TCP11: variants seen among roughly 807,000 people sequenced by gnomAD.
TCP11 encodes t-complex 11.
Under a neutral mutation model 45.0 loss-of-function variants are expected in TCP11, and 34 were observed. The observed-to-expected ratio is 0.76, with a 90% CI of 0.57 to 1.01. The LOEUF is 1.01. Ranked by LOEUF, TCP11 falls within the 50% of genes least tolerant of loss-of-function variation. TCP11 has a pLI of 0.00. For missense variants in TCP11, 523 were observed against 598.1 expected, an observed-to-expected ratio of 0.87 and a Z score of 1.31; for synonymous variants, 227 against 227.0, an observed-to-expected ratio of 1.00 and a Z score of 0.00.
chr6:35,132,434 T>C (rs1472309317), intron 3 of TCP11, among the ~76,000 whole-genome samples: 1 of 152,282 alleles, frequency 6.6e-6, no homozygotes, highest in Non-Finnish European at 1.5e-5. Context: ...AGTCATTTTC[T>C]ATTATTCAAC....
At position 35,120,944 on chromosome 6, in the gene TCP11, C is replaced by T. The variant is rs1273142004; in HGVS notation, c.680G>A (p.Arg227Gln). ...ATTGAGGAGTTCCTGGAATTTAGCC[C>T]GTTCATACTGAATGGAATGTTCCTG... ...HLQEHSIQYE[R>Q]AKFQELLNKQ... Residue 227 changes from arginine to glutamine, a missense_variant, in exon 6 of 10, where the codon CGG becomes CAG. Arg to Gln is a conservative substitution (Grantham distance 43). This residue lies in a region of TCP11 where 298 missense variants were observed against 387.9 expected (regional missense o/e 0.77). Coordinates refer to ENST00000311875, the MANE Select transcript of TCP11 (RefSeq NM_001370687.1). This position sits in a 1 kb window ranked among gnomAD's most constrained non-coding sequence, Gnocchi z 4.9. 58 of 1,613,690 alleles carry T rather than the reference C, an allele frequency of 3.6e-5. No homozygotes were observed. The highest frequency in any genetic ancestry group is 4.7e-5 in the Non-Finnish European group (56 of 1,179,910).
chr6:35,122,217 A>G lies in TCP11; in HGVS notation c.478T>C (p.Ser160Pro). ...GCCATCATGTTGAGAACGTACTTAG[A>G]GAGATAGAGGACTTTCAGGGCCCCA... ...EHGALKVLYL[S>P]KYVLNMMALL... Residue 160 changes from serine (S) to proline (P), a missense_variant, in exon 5 of 10, where the codon TCT (serine) becomes CCT (proline). By Grantham distance (74) the Ser-to-Pro change is moderately conservative. This residue lies in a region of TCP11 where 225 missense variants were observed against 210.2 expected (regional missense o/e 1.07). Transcript: ENST00000311875. 1 of 1,614,142 alleles carries G rather than the reference A, an allele frequency of 6.2e-7. No homozygotes were observed. Among genetic ancestry groups the G allele is most frequent in the South Asian group, 1.1e-5 (1 of 91,078 alleles).
intron 3 of TCP11, among the ~76,000 whole-genome samples, chr6:35,130,696 A>G (rs1780327065): frequency 6.6e-6 from 1 of 152,196 alleles, no homozygotes; most frequent in Non-Finnish European, 1.5e-5. Flanking sequence ...AATGGCCAAA[A>G]TCAGAAAACT....
chr6:35,131,335 A>G (rs1780420593), intron 3 of TCP11, among the ~76,000 whole-genome samples: 1 of 152,130 alleles, frequency 6.6e-6, no homozygotes, highest in African/African-American at 2.4e-5. Flanking sequence ...TGGGGGGCCG[A>G]GGCGGGCGGA....
intron 3 of TCP11, among the ~76,000 whole-genome samples, chr6:35,135,251 C>T (rs926401240): frequency 7.2e-5 from 11 of 152,074 alleles, no homozygotes; most frequent in Non-Finnish European, 1.0e-4. Flanking sequence ...CTCACACACA[C>T]TCTTGTTCTC....
At chr6:35,118,941 T>C (rs1778930686) in intron 9 of TCP11, among the ~76,000 whole-genome samples, 1 of 152,154 alleles carries the variant, frequency 6.6e-6, no homozygotes, top group Non-Finnish European at 1.5e-5. Context: ...AATGTCAGAT[T>C]TCTTGGGTGC....
chr6:35,124,873 T>A (rs1779646301), intron 4 of TCP11, among the ~76,000 whole-genome samples: 1 of 151,530 alleles, frequency 6.6e-6, no homozygotes, highest in African/African-American at 2.4e-5. Context: ...ACTTAAAGTA[T>A]AATAAAAAAT....
intron 5 of TCP11, 49 bp from the exon 6 acceptor site, chr6:35,121,094 C>G (rs1444156012): frequency 6.6e-7 from 1 of 1,522,310 alleles, no homozygotes; most frequent in Admixed American, 1.9e-5. Context: ...TAGAAACCCA[C>G]CCAAGGAGTC....
At position 35,120,986 on chromosome 6, in the gene TCP11, C is replaced by T. The variant is rs764104836; in HGVS notation, c.638G>A (p.Ser213Asn). 5 of 1,614,000 alleles carry T rather than the reference C, an allele frequency of 3.1e-6. No individual in the cohort carries two copies. The highest frequency in any genetic ancestry group is 4.2e-6 in the Non-Finnish European group (5 of 1,179,956). ...ATGTTCCTGCAGGTGGGGTTGAAGG[C>T]TCTGGATAGTGTAGTTCACCATGTC... The part of the protein sequence containing the change: ...KMDMVNYTIQ[S>N]LQPHLQEHSI... The change falls in exon 6 of 10, where the codon AGC becomes AAC. Residue 213 changes from serine to asparagine, a missense_variant. By Grantham distance (46) the Ser-to-Asn change is conservative (BLOSUM62 1). Coordinates refer to ENST00000311875, the MANE Select transcript of TCP11 (RefSeq NM_001370687.1). This position sits in a 1 kb window ranked among gnomAD's most constrained non-coding sequence, Gnocchi z 4.9.
intron 3 of TCP11, among the ~76,000 whole-genome samples, chr6:35,130,994 T>G (rs1780360288): frequency 6.6e-6 from 1 of 152,142 alleles, no homozygotes; most frequent in South Asian, 2.1e-4. Flanking sequence ...AAACTGCCCA[T>G]AAAATGGAAT....
At chr6:35,140,676 TGGGGGGGCCTGCGGACCCCCCAC>T in intron 2 of TCP11, 48 bp downstream of exon 2, 1 of 759,962 alleles carries the variant, frequency 1.3e-6, no homozygotes, top group East Asian at 2.5e-5. Context: ...ACTTGGGGGA[TGGGGGGGCCTGCGGACCCCCCAC>T]ACTAAGCACC....
intron 4 of TCP11, among the ~76,000 whole-genome samples, chr6:35,124,760 T>A (rs1011953917): frequency 6.6e-6 from 1 of 152,134 alleles, no homozygotes; most frequent in East Asian, 1.9e-4. Context: ...TTTCAACAAA[T>A]GGTGCTGGGA....
In TCP11 at chr6:35,120,574, G is replaced by C; in HGVS notation, c.788C>G (p.Pro263Arg). The C allele has an allele frequency of 3.7e-6, 6 of 1,613,886 alleles. No individual in the cohort carries two copies. Among genetic ancestry groups the C allele is most frequent in the Non-Finnish European group, 5.1e-6 (6 of 1,180,014 alleles). Residue 263 changes from proline to arginine, a missense_variant, in exon 7 of 10, where the codon CCA (proline) becomes CGA (arginine). By Grantham distance (103) the Pro-to-Arg change is moderately radical (BLOSUM62 -2). Transcript: ENST00000311875. This position sits in a 1 kb window ranked among gnomAD's most constrained non-coding sequence, Gnocchi z 4.9. ...CACACTGGAGGAGTCAGAAGTGTCTGGGCAAGTCGGAGGTGACATGGTGAG... is the reference window on the plus strand; with the variant it reads ...CACACTGGAGGAGTCAGAAGTGTCTCGGCAAGTCGGAGGTGACATGGTGAG... ...GDLTMSPPTC[P>R]DTSDSSSVAG...
chr6:35,126,438 CAAGG>C (rs2127658020), intron 4 of TCP11, among the ~76,000 whole-genome samples: 1 of 152,262 alleles, frequency 6.6e-6, no homozygotes, highest in Admixed American at 6.5e-5. Flanking sequence ...TGCATCTGCT[CAAGG>C]AACTCATTTC....
chr6:35,122,142 T>C lies in TCP11; in HGVS notation c.553A>G (p.Ile185Val), dbSNP rs533808712. 8.7e-6 allele frequency: 14 copies of C among 1,614,174 alleles called. No homozygotes were observed. The highest frequency in any genetic ancestry group is 4.0e-5 in the African/African-American group (3 of 75,038). ...RDEAVQKLEN[I>V]TDPVWLLRGI... The stretch of plus-strand genomic sequence containing the variant: ...CTCAGTAGCCAAACAGGATCCGTAA[T>C]GTTTTCTAGTTTCTGCACTGCTTCA... The change falls in exon 5 of 10, where the codon ATT becomes GTT. Residue 185 changes from isoleucine (I) to valine (V), a missense_variant. Transcript: ENST00000311875.
At position 35,124,881 on chromosome 6, in the gene TCP11, A is replaced by AAT. The variant is rs1020572743; in HGVS notation, c.358-2546_358-2545dup. Among the ~76,000 whole-genome samples the AAT allele has an allele frequency of 2.4e-4, 36 of 150,976 alleles. 1 individual carries two copies. In the East Asian group the frequency reaches 3.5e-3, roughly 15 times the overall value. On this transcript the variant is annotated intron_variant, in intron 4 of 9. Transcript: ENST00000311875. Reference sequence around the variant, plus strand: ...CCCTAAAACTTAAAGTATAATAAAAAATATATATATATATTAATTCAAAAT... The same window carrying AAT: ...CCCTAAAACTTAAAGTATAATAAAAAATATATATATATATATTAATTCAAAAT...
In TCP11 at chr6:35,120,891, C is replaced by T; in HGVS notation, c.715+18G>A. On this transcript the variant is annotated intron_variant, in intron 6 of 9. Coordinates refer to ENST00000311875, the MANE Select transcript of TCP11 (RefSeq NM_001370687.1). The surrounding 1 kb of genome is among the most constrained non-coding windows in gnomAD (Gnocchi z 4.9). ...AGGTAATACCTTTCCCACTCCTGCCCTCACATTATATACATACTAGGCTGC... is the reference window on the plus strand; with the variant it reads ...AGGTAATACCTTTCCCACTCCTGCCTTCACATTATATACATACTAGGCTGC... The T allele has an allele frequency of 6.2e-7, 1 of 1,602,266 alleles. No individual in the cohort carries two copies. Among genetic ancestry groups the T allele is most frequent in the South Asian group, 1.1e-5 (1 of 89,790 alleles).
intron 9 of TCP11, among the ~76,000 whole-genome samples, chr6:35,118,814 A>G (rs892725566): frequency 3.5e-4 from 53 of 152,240 alleles, no homozygotes; most frequent in Admixed American, 7.9e-4. Context: ...GGCTAAGGTT[A>G]GGAGCAGGCT....
At chr6:35,121,982 G>A in intron 5 of TCP11, 135 bp downstream of exon 5, 1 of 820,084 alleles carries the variant, frequency 1.2e-6, no homozygotes, top group Middle Eastern at 3.4e-4. Flanking sequence ...TTGACCAGAG[G>A]GGAGAAAAAG....
Sources: gnomAD v4.1 joint callset for allele counts (sites outside exome capture counted in the v4.1 genomes callset) on GRCh38, gnomAD v4.1.1 for gene constraint, gnomAD v4.1.1 regional missense constraint, Gnocchi (gnomAD v3.1) non-coding constraint, MANE v1.5 for transcripts, NCBI Gene and HGNC (gene_info 2026-07-23, HGNC 2026-07-21) for gene names.